CSMD1: variants seen among roughly 807,000 people sequenced by gnomAD.
CSMD1 encodes CUB and sushi domain-containing protein 1.
CSMD1 carries 213 observed loss-of-function variants against 417.5 expected under a neutral mutation model. That is an observed-to-expected ratio of 0.51 (90% CI 0.46 to 0.57). CSMD1 has a LOEUF of 0.57. CSMD1 is among the 20% of genes least tolerant of loss of function. CSMD1 has a pLI of 0.00. For synonymous variants in CSMD1, 2,862 were observed against 1,736.8 expected (o/e 1.65, Z -16.11); for missense variants, 6,923 against 4,529.7 (o/e 1.53, Z -15.17).
At chr8:3,248,561 G>A (rs546130206) in intron 26 of CSMD1, among the ~76,000 whole-genome samples, 119 of 112,720 alleles carry the variant, frequency 1.1e-3, no homozygotes, top group Non-Finnish European at 1.6e-3. Flanking sequence ...ACGTAGTCTC[G>A]CTCTGTCGCC....
At chr8:4,888,273 T>C (rs547666862) in intron 1 of CSMD1, among the ~76,000 whole-genome samples, 11 of 152,162 alleles carry the variant, frequency 7.2e-5, no homozygotes, top group African/African-American at 2.7e-4. Flanking sequence ...TTTCAAGATA[T>C]GTTGTTAAAT....
chr8:3,723,196 G>T (rs543123706), intron 6 of CSMD1, among the ~76,000 whole-genome samples: 2 of 152,164 alleles, frequency 1.3e-5, no homozygotes, highest in Non-Finnish European at 2.9e-5. Context: ...GGCACTCAGG[G>T]AAGCTTGTGG....
chr8:3,503,137 T>C (rs1173069447), intron 10 of CSMD1, among the ~76,000 whole-genome samples: 1 of 152,194 alleles, frequency 6.6e-6, no homozygotes, highest in Non-Finnish European at 1.5e-5. Context: ...CAGTATACAG[T>C]GTGAAATTAC....
At chr8:3,421,109 G>C (rs1238598237) in intron 12 of CSMD1, among the ~76,000 whole-genome samples, 1 of 152,096 alleles carries the variant, frequency 6.6e-6, no homozygotes, top group Non-Finnish European at 1.5e-5. Flanking sequence ...CTCATTTTCA[G>C]TATGAAAAAA....
intron 2 of CSMD1, among the ~76,000 whole-genome samples, chr8:4,508,684 G>C (rs1455075814): frequency 6.6e-6 from 1 of 152,082 alleles, no homozygotes; most frequent in Admixed American, 6.6e-5. Context: ...CAAGGCAGCT[G>C]GTAGTGGGTC....
chr8:3,294,101 T>C (rs919477918), intron 25 of CSMD1, among the ~76,000 whole-genome samples: 1 of 152,210 alleles, frequency 6.6e-6, no homozygotes, highest in Non-Finnish European at 1.5e-5. Flanking sequence ...CTCCGGACCC[T>C]GTTTGCCTGG....
chr8:3,893,833 C>G (rs1183791228), intron 5 of CSMD1, among the ~76,000 whole-genome samples: 3 of 152,144 alleles, frequency 2.0e-5, no homozygotes, highest in African/African-American at 7.2e-5. Context: ...TGTTGCCAGA[C>G]TGACCCTTTG....
intron 5 of CSMD1, among the ~76,000 whole-genome samples, chr8:3,763,477 C>G (rs1798118268): frequency 6.6e-6 from 1 of 152,088 alleles, no homozygotes; most frequent in South Asian, 2.1e-4. Context: ...CTTTGCTCCC[C>G]TTCTCACCCT....
intron 3 of CSMD1, 37 bp downstream of exon 3, chr8:4,419,916 C>T (rs778396098): frequency 1.6e-6 from 2 of 1,289,804 alleles, no homozygotes; most frequent in Non-Finnish European, 2.2e-6. Flanking sequence ...ATCATTTGGA[C>T]AGTGAATGCA....
At chr8:3,939,107 G>A (rs1349662361) in intron 5 of CSMD1, among the ~76,000 whole-genome samples, 1 of 152,078 alleles carries the variant, frequency 6.6e-6, no homozygotes, top group African/African-American at 2.4e-5. Flanking sequence ...ATTGTTGAGA[G>A]TTTATTGAAT....
intron 1 of CSMD1, among the ~76,000 whole-genome samples, chr8:4,761,808 G>A (rs1187915566): frequency 6.6e-6 from 1 of 151,872 alleles, no homozygotes; most frequent in East Asian, 1.9e-4. Context: ...AAACCTGGTA[G>A]TAAATAAAAT....
At chr8:3,956,359 T>C (rs1000962903) in intron 5 of CSMD1, among the ~76,000 whole-genome samples, 1 of 152,156 alleles carries the variant, frequency 6.6e-6, no homozygotes, top group Non-Finnish European at 1.5e-5. Flanking sequence ...AGTTGCCTTA[T>C]AGAACAATTA....
intron 1 of CSMD1, among the ~76,000 whole-genome samples, chr8:4,783,791 G>C (rs529721062): frequency 2.6e-5 from 4 of 152,128 alleles, no homozygotes. Flanking sequence ...TGTAACTGTG[G>C]AGGCTTTGAC....
intron 41 of CSMD1, among the ~76,000 whole-genome samples, chr8:3,138,599 T>G (rs1818250351): frequency 6.6e-6 from 1 of 152,156 alleles, no homozygotes; most frequent in Non-Finnish European, 1.5e-5. Flanking sequence ...AGACATTGCC[T>G]CCTGCAGGGT....
chr8:4,434,568 G>C (rs564337683), intron 2 of CSMD1, among the ~76,000 whole-genome samples: 2 of 152,302 alleles, frequency 1.3e-5, no homozygotes, highest in South Asian at 4.1e-4. Flanking sequence ...CACAATAGAG[G>C]AGGAGGAAGT....
chr8:3,334,625 C>T (rs1189118798), intron 23 of CSMD1, among the ~76,000 whole-genome samples: 2 of 152,204 alleles, frequency 1.3e-5, no homozygotes, highest in South Asian at 2.1e-4. Context: ...CAGAATTAGT[C>T]GTCAATATCA....
intron 1 of CSMD1, among the ~76,000 whole-genome samples, chr8:4,753,655 C>T (rs1488261425): frequency 1.3e-5 from 2 of 152,148 alleles, no homozygotes; most frequent in African/African-American, 4.8e-5. Flanking sequence ...CCTTTTGATG[C>T]TGCCTTCTTC....
chr8:3,771,727 T>C (rs1287059247), intron 5 of CSMD1, among the ~76,000 whole-genome samples: 1 of 152,120 alleles, frequency 6.6e-6, no homozygotes, highest in Non-Finnish European at 1.5e-5. Flanking sequence ...AAACGCAAGA[T>C]TCAATGACAT....
chr8:4,001,460 G>C (rs1013507364), intron 4 of CSMD1, among the ~76,000 whole-genome samples: 6 of 152,168 alleles, frequency 3.9e-5, no homozygotes, highest in Admixed American at 6.5e-5. Context: ...ACTGGTAAAA[G>C]AGGGTTCTTT....
Sources: allele counts gnomAD v4.1 joint callset (sites outside exome capture counted in the v4.1 genomes callset), GRCh38; gene constraint gnomAD v4.1.1; transcripts MANE v1.5; gene names NCBI Gene and HGNC (gene_info 2026-07-23, HGNC 2026-07-21).